ADAMTSL1: variants seen among roughly 807,000 people sequenced by gnomAD.
ADAMTSL1 encodes ADAMTS like 1.
ADAMTSL1 carries 126 observed loss-of-function variants against 201.8 expected under a neutral mutation model. That is an observed-to-expected ratio of 0.62 (90% CI 0.54 to 0.72). The LOEUF (loss-of-function observed/expected upper bound fraction) is 0.72. ADAMTSL1 is among the 30% of genes least tolerant of loss of function. ADAMTSL1 has a pLI of 0.00. For synonymous variants in ADAMTSL1, 1,121 were observed against 903.4 expected (o/e 1.24, Z -4.32); for missense variants, 2,679 against 2,277.8 (o/e 1.18, Z -3.59).
intron 2 of ADAMTSL1, among the ~76,000 whole-genome samples, chr9:18,464,487 T>C (rs1587288260): frequency 6.6e-6 from 1 of 152,344 alleles, no homozygotes; most frequent in South Asian, 2.1e-4. Flanking sequence ...ATTATTCCAA[T>C]AGAAGTGATA....
intron 1 of ADAMTSL1, among the ~76,000 whole-genome samples, chr9:17,964,754 A>G (rs946143665): frequency 2.0e-5 from 3 of 152,206 alleles, no homozygotes; most frequent in Admixed American, 6.5e-5. Flanking sequence ...TCTTATAACT[A>G]CATGTGAATC....
chr9:18,302,430 C>G (rs1022173706), intron 2 of ADAMTSL1, among the ~76,000 whole-genome samples: 2 of 152,208 alleles, frequency 1.3e-5, no homozygotes, highest in Non-Finnish European at 2.9e-5. Flanking sequence ...TTGCATACTA[C>G]TTAGCCCTTC....
intron 4 of ADAMTSL1, among the ~76,000 whole-genome samples, chr9:18,593,493 A>G (rs916209314): frequency 6.6e-6 from 1 of 151,840 alleles, no homozygotes; most frequent in Admixed American, 6.6e-5. Flanking sequence ...ATGTACTGTT[A>G]AATTGTTTAT....
intron 7 of ADAMTSL1, among the ~76,000 whole-genome samples, chr9:18,649,218 C>T (rs201811443): frequency 3.6e-4 from 55 of 152,280 alleles, no homozygotes; most frequent in East Asian, 1.2e-3. Flanking sequence ...GTAGTTCTCG[C>T]GCCTTGGCTT....
chr9:18,253,363 T>A (rs1434013255), intron 2 of ADAMTSL1, among the ~76,000 whole-genome samples: 5 of 152,198 alleles, frequency 3.3e-5, no homozygotes, highest in Admixed American at 3.3e-4. Context: ...ATTTTCTTGG[T>A]AACAATGATC....
intron 4 of ADAMTSL1, among the ~76,000 whole-genome samples, chr9:18,604,362 A>C (rs989119954): frequency 6.6e-6 from 1 of 152,174 alleles, no homozygotes; most frequent in African/African-American, 2.4e-5. Context: ...CTTATGGTTT[A>C]CTCTTTAACA....
At chr9:18,506,082 A>G (rs1422796623) in intron 2 of ADAMTSL1, among the ~76,000 whole-genome samples, 1 of 152,228 alleles carries the variant, frequency 6.6e-6, no homozygotes, top group Non-Finnish European at 1.5e-5. Context: ...ATATTTGGCC[A>G]CTGTGGCATT....
intron 1 of ADAMTSL1, among the ~76,000 whole-genome samples, chr9:18,006,477 A>G (rs374663401): frequency 1.3e-5 from 2 of 151,990 alleles, no homozygotes; most frequent in Non-Finnish European, 2.9e-5. Flanking sequence ...CTTGTGTTCA[A>G]CTTTGTATTT....
intron 7 of ADAMTSL1, among the ~76,000 whole-genome samples, chr9:18,639,809 T>G (rs562015896): frequency 6.6e-6 from 1 of 152,224 alleles, no homozygotes; most frequent in East Asian, 1.9e-4. Flanking sequence ...CTGATCATTC[T>G]TCCAATGGCA....
intron 2 of ADAMTSL1, among the ~76,000 whole-genome samples, chr9:18,295,656 C>T (rs1464938105): frequency 6.6e-6 from 1 of 152,128 alleles, no homozygotes; most frequent in East Asian, 1.9e-4. Flanking sequence ...TATTCTTAAT[C>T]ACTTTTGTGT....
chr9:18,865,411 G>A (rs1156460525), intron 23 of ADAMTSL1, among the ~76,000 whole-genome samples: 1 of 152,152 alleles, frequency 6.6e-6, no homozygotes, highest in Admixed American at 6.5e-5. Flanking sequence ...TGGTGTATAT[G>A]TGCCACATTT....
chr9:18,174,841 G>T (rs1037381085), intron 2 of ADAMTSL1, among the ~76,000 whole-genome samples: 3 of 152,066 alleles, frequency 2.0e-5, no homozygotes, highest in Non-Finnish European at 2.9e-5. Flanking sequence ...TCGTAATTTT[G>T]CTAAATTTAA....
At chr9:18,902,608 G>C (rs1057479513) in intron 26 of ADAMTSL1, among the ~76,000 whole-genome samples, 1 of 151,704 alleles carries the variant, frequency 6.6e-6, no homozygotes, top group South Asian at 2.1e-4. Flanking sequence ...AGAAAATAGT[G>C]CTAAGAGAAA....
At chr9:17,953,054 A>T (rs1827792604) in intron 1 of ADAMTSL1, among the ~76,000 whole-genome samples, 1 of 149,906 alleles carries the variant, frequency 6.7e-6, no homozygotes, top group Non-Finnish European at 1.5e-5. Flanking sequence ...TTGGAATCAC[A>T]CTGACTGTTT....
chr9:17,975,941 T>C (rs990126191), intron 1 of ADAMTSL1, among the ~76,000 whole-genome samples: 6 of 152,126 alleles, frequency 3.9e-5, no homozygotes, highest in African/African-American at 1.2e-4. Context: ...TGCATGTGGA[T>C]ATCCAGTTTT....
At chr9:18,287,865 C>T (rs1833080956) in intron 2 of ADAMTSL1, among the ~76,000 whole-genome samples, 1 of 152,094 alleles carries the variant, frequency 6.6e-6, no homozygotes, top group African/African-American at 2.4e-5. Flanking sequence ...CTATTCATTG[C>T]TCCTCTAATC....
intron 23 of ADAMTSL1, among the ~76,000 whole-genome samples, chr9:18,844,481 CAG>C (rs1453808774): frequency 2.0e-5 from 3 of 152,180 alleles, no homozygotes; most frequent in Admixed American, 2.0e-4. Context: ...GCTCGGGGGT[CAG>C]GGGTCAGGGA....
At chr9:18,054,937 TTC>T (rs1447046770) in intron 1 of ADAMTSL1, among the ~76,000 whole-genome samples, 1 of 152,226 alleles carries the variant, frequency 6.6e-6, no homozygotes, top group Non-Finnish European at 1.5e-5. Context: ...TATTTGGAAC[TTC>T]TTAGAAGGCC....
Position 18,574,015 on chromosome 9 carries a change from C to G in ADAMTSL1, c.238-15C>G, listed in dbSNP as rs41302063. On this transcript the variant is annotated splice_polypyrimidine_tract_variant and intron_variant, in intron 3 of 28. Coordinates refer to ENST00000380548, the MANE Select transcript of ADAMTSL1 (RefSeq NM_001040272.6). The stretch of plus-strand genomic sequence containing the variant: ...CTCCTAACCTTTGTATGTCCTTTCT[C>G]TCTTTTTTCTCCAGGACTGCCCACC... 6.2e-7 allele frequency: 1 copy of G among 1,607,180 alleles called. No individual in the cohort carries two copies. Among genetic ancestry groups the G allele is most frequent in the Non-Finnish European group, 8.5e-7 (1 of 1,175,738 alleles).
Sources: allele counts gnomAD v4.1 joint callset (sites outside exome capture counted in the v4.1 genomes callset), GRCh38; gene constraint gnomAD v4.1.1; transcripts MANE v1.5; gene names NCBI Gene and HGNC (gene_info 2026-07-23, HGNC 2026-07-21).